Variants in CRADD observed in about 807,000 individuals in gnomAD.
CRADD encodes death domain-containing protein CRADD.
A neutral mutation model predicts 15.5 loss-of-function variants in CRADD; 9 were observed. The observed-to-expected ratio is 0.58, with a 90% CI of 0.35 to 1.01. CRADD has a LOEUF of 1.01. Among genes scored for constraint, CRADD ranks in the 50% least tolerant of loss-of-function variants. CRADD has a pLI of 0.02. For missense variants in CRADD, 227 were observed against 250.3 expected (o/e 0.91, Z 0.63); for synonymous variants, 118 against 107.6 (o/e 1.10, Z -0.60).
chr12:93,746,593 G>A (rs529701256), intron 2 of CRADD, among the ~76,000 whole-genome samples: 1 of 152,270 alleles, frequency 6.6e-6, no homozygotes, highest in South Asian at 2.1e-4. Flanking sequence ...GGAATTAGTG[G>A]TATTCCAAAA....
chr12:93,797,660 A>C (rs1032377780), intron 2 of CRADD, among the ~76,000 whole-genome samples: 15 of 152,190 alleles, frequency 9.9e-5, no homozygotes, highest in Non-Finnish European at 2.1e-4. Context: ...CCACCGCAAT[A>C]GGTAACTCAA....
chr12:93,698,660 TTTCTC>T (rs1291786214), intron 2 of CRADD, among the ~76,000 whole-genome samples: 1 of 152,216 alleles, frequency 6.6e-6, no homozygotes, highest in African/African-American at 2.4e-5. Flanking sequence ...TTCTAAATCT[TTTCTC>T]TTCATTGTTT....
intron 2 of CRADD, among the ~76,000 whole-genome samples, chr12:93,890,020 C>G (rs1958565638): frequency 1.3e-5 from 2 of 152,242 alleles, no homozygotes; most frequent in Non-Finnish European, 2.9e-5. Context: ...CATACATACT[C>G]AGCCCGGGCC....
chr12:93,797,912 G>A (rs1170086669), intron 2 of CRADD, among the ~76,000 whole-genome samples: 1 of 152,184 alleles, frequency 6.6e-6, no homozygotes, highest in Non-Finnish European at 1.5e-5. Flanking sequence ...GATCGAGCCT[G>A]CAGTCCCAGC....
intron 2 of CRADD, among the ~76,000 whole-genome samples, chr12:93,724,284 C>T (rs772761171): frequency 1.6e-4 from 24 of 151,530 alleles, no homozygotes; most frequent in African/African-American, 3.9e-4. Flanking sequence ...GAGGCTGAGG[C>T]GAGAGGATCC....
At chr12:93,688,199 C>G (rs952875781) in intron 2 of CRADD, among the ~76,000 whole-genome samples, 1 of 152,108 alleles carries the variant, frequency 6.6e-6, no homozygotes, top group Non-Finnish European at 1.5e-5. Flanking sequence ...GGTCTTTATT[C>G]ATAATTAAAA....
chr12:93,847,164 C>T (rs531859547), intron 2 of CRADD, among the ~76,000 whole-genome samples: 28 of 152,122 alleles, frequency 1.8e-4, no homozygotes, highest in Non-Finnish European at 3.8e-4. Flanking sequence ...TAACATATAC[C>T]CTGGTCTAAA....
intron 2 of CRADD, among the ~76,000 whole-genome samples, chr12:93,774,565 GA>G (rs1466857662): frequency 6.6e-6 from 1 of 152,162 alleles, no homozygotes; most frequent in East Asian, 1.9e-4. Context: ...TAGGAGGTGG[GA>G]GGGGGGTTAA....
chr12:93,799,492 A>C (rs1957455090), intron 2 of CRADD, among the ~76,000 whole-genome samples: 1 of 152,194 alleles, frequency 6.6e-6, no homozygotes, highest in African/African-American at 2.4e-5. Context: ...ACCCACTATC[A>C]GATTACAACC....
At chr12:93,726,042 T>C (rs17021512) in intron 2 of CRADD, among the ~76,000 whole-genome samples, 4 of 151,926 alleles carry the variant, frequency 2.6e-5, no homozygotes, top group African/African-American at 9.7e-5. Flanking sequence ...GTGGCTCTAA[T>C]TGTTTCTGTG....
At chr12:93,693,390 G>A (rs1003698329) in intron 2 of CRADD, among the ~76,000 whole-genome samples, 3 of 151,962 alleles carry the variant, frequency 2.0e-5, no homozygotes, top group Admixed American at 6.5e-5. Flanking sequence ...GAAAATTAAC[G>A]GGTAGAAAAA....
At chr12:93,863,091 A>G (rs1465244035) in intron 2 of CRADD, among the ~76,000 whole-genome samples, 1 of 152,128 alleles carries the variant, frequency 6.6e-6, no homozygotes, top group Non-Finnish European at 1.5e-5. Context: ...TTTTTATTAT[A>G]TGACTTGTAT....
At chr12:93,811,965 C>G (rs1957631459) in intron 2 of CRADD, among the ~76,000 whole-genome samples, 1 of 152,148 alleles carries the variant, frequency 6.6e-6, no homozygotes. Flanking sequence ...AAGAAATGAG[C>G]TGTCAAGCCA....
intron 2 of CRADD, among the ~76,000 whole-genome samples, chr12:93,720,253 T>C (rs1592925740): frequency 6.6e-6 from 1 of 152,362 alleles, no homozygotes; most frequent in East Asian, 1.9e-4. Flanking sequence ...GTTTTTGTTA[T>C]TAATTTTTTA....
chr12:93,877,271 C>T (rs1185881075), intron 2 of CRADD, among the ~76,000 whole-genome samples: 1 of 152,216 alleles, frequency 6.6e-6, no homozygotes, highest in African/African-American at 2.4e-5. Context: ...GAAGCCAGCA[C>T]AGCACTGGAT....
At chr12:93,852,841 G>A (rs1958239960), downstream of CRADD, among the ~76,000 whole-genome samples, 5 of 60,240 alleles carry the variant, frequency 8.3e-5, no homozygotes, top group South Asian at 2.0e-3. Context: ...GTTGGAGTGT[G>A]TGTGTGTGTG....
intron 2 of CRADD, among the ~76,000 whole-genome samples, chr12:93,888,996 A>G (rs1397503293): frequency 6.6e-6 from 1 of 152,146 alleles, no homozygotes; most frequent in Admixed American, 6.5e-5. Context: ...GGTACAGCCA[A>G]GGGGAGCTGT....
chr12:93,748,905 A>C (rs1285301174), intron 2 of CRADD, among the ~76,000 whole-genome samples: 2 of 152,236 alleles, frequency 1.3e-5, no homozygotes, highest in African/African-American at 2.4e-5. Context: ...AGGGCCTAGC[A>C]GGAGTAGCAG....
intron 2 of CRADD, among the ~76,000 whole-genome samples, chr12:93,844,427 A>G (rs1958088667): frequency 6.6e-6 from 1 of 152,108 alleles, no homozygotes; most frequent in African/African-American, 2.4e-5. Context: ...CTATATGTGC[A>G]AAGATGTCCA....
Sources: allele counts gnomAD v4.1 joint callset (sites outside exome capture counted in the v4.1 genomes callset), GRCh38; gene constraint gnomAD v4.1.1; transcripts MANE v1.5; gene names NCBI Gene and HGNC (gene_info 2026-07-23, HGNC 2026-07-21).